LAMB3: variants seen among roughly 807,000 people sequenced by gnomAD.
LAMB3 encodes the protein laminin subunit beta 3.
LAMB3 carries 104 observed loss-of-function variants against 140.3 expected under a neutral mutation model. The ratio of observed to expected loss-of-function variants is 0.74; its 90% CI spans 0.63 to 0.87. The LOEUF (loss-of-function observed/expected upper bound fraction) is 0.87, where lower values mean the gene tolerates loss of function less well. LAMB3 is among the 40% of genes least tolerant of loss of function. The pLI, the probability that LAMB3 is intolerant of heterozygous loss-of-function variation, is 0.00. For missense variants in LAMB3, 1,531 were observed against 1,575.2 expected (o/e 0.97, Z 0.47); for synonymous variants, 592 against 602.9 (o/e 0.98, Z 0.26).
chr1:209,628,628 G>A (rs1014998724), intron 10 of LAMB3, among the ~76,000 whole-genome samples: 11 of 149,710 alleles, frequency 7.3e-5, no homozygotes, highest in African/African-American at 1.3e-4. Flanking sequence ...CCTGGGAGGC[G>A]GAGGTTGCAG....
Position 209,632,647 on chromosome 1 carries a change from T to C in LAMB3, c.758A>G (p.His253Arg). The stretch of plus-strand genomic sequence containing the variant: ...GGGTGCGCAGCGATCAGCATGGCCG[T>C]GACAGAAGCAGCTCCCCTGCAGACG... ...QLRLQGSCFC[H>R]GHADRCAPKP... The change falls in exon 8 of 23, where the codon CAC (histidine) becomes CGC (arginine). Residue 253 changes from histidine (H) to arginine (R), a missense_variant. Transcript: ENST00000356082. 4 of 1,614,058 alleles carry C rather than the reference T, an allele frequency of 2.5e-6. No individual in the cohort carries two copies. Among genetic ancestry groups the C allele is most frequent in the Non-Finnish European group, 3.4e-6 (4 of 1,179,982 alleles).
In LAMB3 at chr1:209,630,715, G is replaced by C. The variant is rs1221658032; in HGVS notation, c.843C>G (p.Cys281Trp). Residue 281 changes from cysteine (C) to tryptophan (W), a missense_variant, in exon 9 of 23, where the codon TGC (cysteine) becomes TGG (tryptophan). Coordinates refer to ENST00000356082, the MANE Select transcript of LAMB3 (RefSeq NM_000228.3). ...AATTTGGGCCGGCAGTGTTGTGCTG[G>C]CAGACACAGACATCGTGGACCTGGG... ...TAVQVHDVCV[C>W]QHNTAGPNCE... The C allele has an allele frequency of 1.9e-6, 3 of 1,614,024 alleles. No homozygotes were observed. The Admixed American group carries it at 5.0e-5, about 27-fold the overall frequency.
Position 209,629,826 on chromosome 1 carries a change from T to G in LAMB3, c.1043A>C (p.Asp348Ala). 6.2e-7 allele frequency: 1 copy of G among 1,614,170 alleles called. No homozygotes were observed. The highest frequency in any genetic ancestry group is 8.5e-7 in the Non-Finnish European group (1 of 1,180,030). The change falls in exon 10 of 23, where the codon GAC becomes GCC. Residue 348 changes from aspartate to alanine, a missense_variant. Asp to Ala is a moderately radical substitution (Grantham distance 126). Transcript: ENST00000356082. Reference protein sequence around the residue: ...AYGGVCDNCRDHTEGKNCERC... With the variant: ...AYGGVCDNCRAHTEGKNCERC... ...CTCACAGTTCTTGCCTTCGGTGTGGTCCCGGCAATTGTCACACACACCTCC... is the reference window on the plus strand; with the variant it reads ...CTCACAGTTCTTGCCTTCGGTGTGGGCCCGGCAATTGTCACACACACCTCC...
chr1:209,637,521 G>C (rs767142067), intron 5 of LAMB3, among the ~76,000 whole-genome samples: 5 of 152,080 alleles, frequency 3.3e-5, no homozygotes, highest in Non-Finnish European at 7.4e-5. Flanking sequence ...ATATCCATCA[G>C]TTAGTTGGAT....
intron 10 of LAMB3, among the ~76,000 whole-genome samples, chr1:209,629,388 C>T (rs547055431): frequency 2.6e-5 from 4 of 152,304 alleles, no homozygotes; most frequent in Non-Finnish European, 4.4e-5. Context: ...CATATACATA[C>T]GGAAAAGGTG....
At chr1:209,651,722 G>A (rs1436678207) in intron 1 of LAMB3, among the ~76,000 whole-genome samples, 1 of 152,290 alleles carries the variant, frequency 6.6e-6, no homozygotes, top group South Asian at 2.1e-4. Context: ...GAAAGCCACC[G>A]TGGGGTCCCA....
chr1:209,630,619 G>T lies in LAMB3; in HGVS notation c.939C>A (p.Cys313Ter), dbSNP rs773700438. ...GGGGTGATCCAAAGCTCCTACTTTG[G>T]CATTCATGGGCGTCCTGGCCCTCCG... ...RPAEGQDAHE[C>*]QRCDCNGHSE... The change falls in exon 9 of 23, where the codon TGC becomes TGA. Residue 313 changes from cysteine (C) to a stop codon, truncating the protein, a stop_gained. Transcript: ENST00000356082. LOFTEE classifies it high-confidence loss of function. 5.0e-6 allele frequency: 8 copies of T among 1,614,152 alleles called. No homozygotes were observed. The highest frequency in any genetic ancestry group is 1.7e-5 in the Admixed American group (1 of 60,016).
chr1:209,627,251 A>T, intron 12 of LAMB3, 132 bp downstream of exon 12: 1 of 772,082 alleles, frequency 1.3e-6, no homozygotes, highest in Non-Finnish European at 2.1e-6. Flanking sequence ...TCCCCAAATG[A>T]GAACGGGGAC....
In LAMB3 at chr1:209,617,502, G is replaced by A; in HGVS notation, c.3136C>T (p.Leu1046Phe). Residue 1046 changes from leucine to phenylalanine, a missense_variant, in exon 21 of 23, where the codon CTC becomes TTC. Physicochemically the swap from Leu to Phe is conservative, Grantham distance 22. Coordinates refer to ENST00000356082, the MANE Select transcript of LAMB3 (RefSeq NM_000228.3). ...CCCTGCTGCCGGGCTTGGTGGCGGAGCTCCTCCATCCGTGTCCAGAAGTCA... is the reference window on the plus strand; with the variant it reads ...CCCTGCTGCCGGGCTTGGTGGCGGAACTCCTCCATCCGTGTCCAGAAGTCA... ...LGDFWTRMEE[L>F]RHQARQQGAE... is the part of the protein sequence containing the mutation. 1 of 1,614,036 alleles carries A rather than the reference G, an allele frequency of 6.2e-7. No individual in the cohort carries two copies. Among genetic ancestry groups the A allele is most frequent in the Non-Finnish European group, 8.5e-7 (1 of 1,180,042 alleles).
chr1:209,617,311 C>T lies in LAMB3; in HGVS notation c.3228+99G>A, dbSNP rs1395559420. The T allele has an allele frequency of 6.0e-6, 8 of 1,333,034 alleles. No homozygotes were observed. The South Asian group carries it at 7.0e-5, about 12-fold the overall frequency. The allele number at this position is 1,333,034 out of a possible 1,614,324, so 82.6% of individuals were successfully genotyped here. ...TCTTCTGGTTCTGTTATTCTAAGCA[C>T]TTTTGAGTTTGTGGTCTTATAAAGT... is the stretch of plus-strand genomic sequence containing the variant. On this transcript the variant is annotated intron_variant, in intron 21 of 22. Transcript: ENST00000356082.
intron 6 of LAMB3, 124 bp from the exon 7 acceptor site, chr1:209,633,257 T>C: frequency 1.3e-6 from 1 of 753,016 alleles, no homozygotes; most frequent in South Asian, 1.5e-5. Context: ...GAACCTGAGA[T>C]AGACCATGGC....
chr1:209,628,155 C>T lies in LAMB3; in HGVS notation c.1168G>A (p.Ala390Thr), dbSNP rs370805844. 1 of 1,569,830 alleles carries T rather than the reference C, an allele frequency of 6.4e-7. No homozygotes were observed. Among genetic ancestry groups the T allele is most frequent in the Non-Finnish European group, 8.6e-7 (1 of 1,156,588 alleles). Residue 390 changes from alanine to threonine, a missense_variant, in exon 11 of 23, where the codon GCT becomes ACT. Ala to Thr is a moderately conservative substitution (Grantham distance 58). Transcript: ENST00000356082. ...ECDPDGAVPG[A>T]PCDPVTGQCV... is the part of the protein sequence containing the mutation. ...TGCCCGGTCACTGGGTCACAGGGAG[C>T]CCCTGGCACTGCCCCATCCGGATCA...
intron 3 of LAMB3, among the ~76,000 whole-genome samples, chr1:209,648,693 C>T (rs1024113832): frequency 1.3e-5 from 2 of 152,002 alleles, no homozygotes; most frequent in Admixed American, 6.5e-5. Flanking sequence ...GGGTACATCC[C>T]AACATAGGGG....
chr1:209,617,693 A>G (rs1666023979), intron 20 of LAMB3, 107 bp from the exon 21 acceptor site: 1 of 1,386,986 alleles, frequency 7.2e-7, no homozygotes, highest in Non-Finnish European at 1.0e-6. Flanking sequence ...CTCTCCAACC[A>G]GAACAAACAC....
chr1:209,634,369 G>A, intron 6 of LAMB3, 78 bp downstream of exon 6: 1 of 1,444,934 alleles, frequency 6.9e-7, no homozygotes, highest in South Asian at 1.1e-5. Flanking sequence ...CCCTTCTCAG[G>A]AGTCCGTGTG....
chr1:209,621,570 C>A (rs1158227538), intron 18 of LAMB3, among the ~76,000 whole-genome samples: 1 of 152,236 alleles, frequency 6.6e-6, no homozygotes, highest in Non-Finnish European at 1.5e-5. Flanking sequence ...CTAACAATAT[C>A]AACTCTTGTT....
intron 18 of LAMB3, 46 bp from the exon 19 acceptor site, chr1:209,618,705 C>T (rs1221543641): frequency 1.3e-6 from 2 of 1,577,934 alleles, no homozygotes; most frequent in East Asian, 4.5e-5. Context: ...CTAACCTCCC[C>T]AGAGATACGA....
rs61734500 is a variant in LAMB3, at chr1:209,623,081, C to G, written c.2457G>C (p.Arg819Ser). 1.2e-6 allele frequency: 2 copies of G among 1,614,236 alleles called. No individual in the cohort carries two copies. The highest frequency in any genetic ancestry group is 1.7e-6 in the Non-Finnish European group (2 of 1,180,048). The change falls in exon 17 of 23, where the codon AGG becomes AGC. Residue 819 changes from arginine (R) to serine (S), a missense_variant. Arg to Ser is a moderately radical substitution (Grantham distance 110). Coordinates refer to ENST00000356082, the MANE Select transcript of LAMB3 (RefSeq NM_000228.3). The surrounding 1 kb of genome is among the most constrained non-coding windows in gnomAD (Gnocchi z 4.2). Reference sequence around the variant, plus strand: ...CCCCACCGGCCCTGGGAAGGACACCCCTGCAGCGGGAGCCACAGGCTGTGC... The same window carrying G: ...CCCCACCGGCCCTGGGAAGGACACCGCTGCAGCGGGAGCCACAGGCTGTGC... ...DNGTACGSRC[R>S]GVLPRAGGAF...
Position 209,626,916 on chromosome 1 carries a change from G to C in LAMB3, c.1548C>G (p.Ile516Met). ...FGGLMCSAAA[I>M]RQCPDRTYGD... is the part of the protein sequence containing the mutation. Reference sequence around the variant, plus strand: ...CATAGGTCCGGTCTGGACACTGGCGGATGGCTGCAGCGCTGCACATCAGGC... The same window carrying C: ...CATAGGTCCGGTCTGGACACTGGCGCATGGCTGCAGCGCTGCACATCAGGC... The change falls in exon 13 of 23, where the codon ATC becomes ATG. Residue 516 changes from isoleucine (I) to methionine (M), a missense_variant. Transcript: ENST00000356082. The C allele has an allele frequency of 1.2e-6, 2 of 1,613,898 alleles. No individual in the cohort carries two copies. The highest frequency in any genetic ancestry group is 1.7e-6 in the Non-Finnish European group (2 of 1,179,964).
Sources: gnomAD v4.1 joint callset for allele counts (sites outside exome capture counted in the v4.1 genomes callset) on GRCh38, gnomAD v4.1.1 for gene constraint, Gnocchi (gnomAD v3.1) non-coding constraint, MANE v1.5 for transcripts, NCBI Gene and HGNC (gene_info 2026-07-23, HGNC 2026-07-21) for gene names.